Variants in EFCAB12 observed in about 807,000 individuals in gnomAD.
EFCAB12 encodes the protein EF-hand calcium-binding domain-containing protein 12.
EFCAB12 carries 43 observed loss-of-function variants against 53.6 expected under a neutral mutation model. That is an observed-to-expected ratio of 0.80 (90% CI 0.63 to 1.03). The LOEUF is 1.03. Ranked by LOEUF, EFCAB12 falls within the 50% of genes least tolerant of loss-of-function variation. The pLI is 0.00. For synonymous variants in EFCAB12, 269 were observed against 289.2 expected (o/e 0.93, Z 0.71); for missense variants, 646 against 730.6 (o/e 0.88, Z 1.34).
At chr3:129,402,330 G>A (rs1021164844) in intron 8 of EFCAB12, among the ~76,000 whole-genome samples, 193 bp downstream of exon 8, 1 of 152,160 alleles carries the variant, frequency 6.6e-6, no homozygotes, top group Admixed American at 6.5e-5. Context: ...CTGTTGGGAG[G>A]ATCTGAGTGA....
At chr3:129,416,831 T>G (rs2107740008) in intron 3 of EFCAB12, among the ~76,000 whole-genome samples, 1 of 152,292 alleles carries the variant, frequency 6.6e-6, no homozygotes, top group South Asian at 2.1e-4. Context: ...TTTAATTTTT[T>G]GTAGAGATGG....
intron 1 of EFCAB12, among the ~76,000 whole-genome samples, chr3:129,426,773 C>T (rs2072277982): frequency 6.6e-6 from 1 of 151,366 alleles, no homozygotes; most frequent in African/African-American, 2.4e-5. Flanking sequence ...AACTCCTGGG[C>T]TCAAATGATC....
At chr3:129,411,575 A>G (rs548756190) in intron 4 of EFCAB12, 72 of 428,258 alleles carry the variant, frequency 1.7e-4, no homozygotes, top group African/African-American at 1.4e-3. Flanking sequence ...CACCAACCCC[A>G]GCCCTCTGGT....
At chr3:129,402,481 T>C in intron 8 of EFCAB12, 42 bp downstream of exon 8, 1 of 1,594,812 alleles carries the variant, frequency 6.3e-7, no homozygotes, top group Non-Finnish European at 8.6e-7. Flanking sequence ...CTGCCCCTCC[T>C]CCCACCTTCC....
intron 1 of EFCAB12, among the ~76,000 whole-genome samples, chr3:129,424,995 G>A (rs192088909): frequency 1.3e-5 from 2 of 152,276 alleles, no homozygotes; most frequent in East Asian, 3.9e-4. Context: ...GAGGGGCAGG[G>A]ATGGGGAAAG....
chr3:129,408,853 C>T lies in EFCAB12; in HGVS notation c.1041G>A (p.Thr347=), dbSNP rs984016385. ...GCTCCGTGTACTGGATGGAGGGGAT[C>T]GTGAGCTGCGAAGGAAGCAGAAAGG... is the stretch of plus-strand genomic sequence containing the variant. The part of the protein sequence containing the change: ...YRERQRQHKL[T]IPSIQYTEQC... The change falls in exon 6 of 9, where the codon ACG becomes ACA. Residue 347 remains threonine, a synonymous_variant. Transcript: ENST00000505956. 1.3e-5 allele frequency: 20 copies of T among 1,566,444 alleles called. No individual in the cohort carries two copies. Among genetic ancestry groups the T allele is most frequent in the East Asian group, 2.4e-5 (1 of 42,020 alleles).
intron 2 of EFCAB12, among the ~76,000 whole-genome samples, chr3:129,419,320 A>G (rs2072159643): frequency 6.6e-6 from 1 of 152,216 alleles, no homozygotes; most frequent in South Asian, 2.1e-4. Context: ...GACCACTACC[A>G]CAGGCATCAC....
chr3:129,411,195 A>G lies in EFCAB12; in HGVS notation c.998T>C (p.Val333Ala), dbSNP rs1411710527. 1.2e-6 allele frequency: 2 copies of G among 1,611,712 alleles called. No homozygotes were observed. The highest frequency in any genetic ancestry group is 2.2e-5 in the South Asian group (2 of 90,808). Residue 333 changes from valine (V) to alanine (A), a missense_variant, in exon 5 of 9, where the codon GTG (valine) becomes GCG (alanine). Coordinates refer to ENST00000505956, the MANE Select transcript of EFCAB12 (RefSeq NM_207307.3). ...RPMTLEEMEE[V>A]GKRYRERQRQ... The stretch of plus-strand genomic sequence containing the variant: ...CTGCCGCTCGCGGTACCGCTTGCCC[A>G]CTTCCTCCATCTCCTCCAGGGTCAT...
chr3:129,410,521 T>C (rs2072022836), intron 5 of EFCAB12, among the ~76,000 whole-genome samples: 1 of 152,176 alleles, frequency 6.6e-6, no homozygotes, highest in East Asian at 1.9e-4. Flanking sequence ...TCTCCCTATG[T>C]TGCCTAGGAT....
intron 4 of EFCAB12, 36 bp downstream of exon 4, chr3:129,415,209 G>A: frequency 1.3e-6 from 2 of 1,552,750 alleles, no homozygotes; most frequent in South Asian, 1.2e-5. Context: ...TCCCAGGACG[G>A]GGAGGTGGAG....
chr3:129,402,768 G>A (rs1394560744), intron 7 of EFCAB12, 189 bp from the exon 8 acceptor site: 2 of 586,310 alleles, frequency 3.4e-6, no homozygotes, highest in African/African-American at 1.9e-5. Flanking sequence ...AACACAGTGG[G>A]CTTGGGTCAG....
chr3:129,420,601 T>A lies in EFCAB12; in HGVS notation c.486+766A>T, dbSNP rs569234775. On this transcript the variant is annotated intron_variant, in intron 2 of 8. Coordinates refer to ENST00000505956, the MANE Select transcript of EFCAB12 (RefSeq NM_207307.3). ...CACAATAGCTTGCTACATGGAACCC[T>A]CAGCAAACTTGTGTCAATGAACAAA... 2.6e-5 allele frequency among the ~76,000 whole-genome samples: 4 copies of A among 152,324 alleles called. No individual in the cohort carries two copies. In the East Asian group the frequency reaches 7.7e-4, roughly 29 times the overall value.
intron 6 of EFCAB12, among the ~76,000 whole-genome samples, chr3:129,406,341 A>G (rs2071950524): frequency 6.6e-6 from 1 of 152,192 alleles, no homozygotes; most frequent in Admixed American, 6.5e-5. Flanking sequence ...GGAGACAATG[A>G]CCACTGAAGT....
chr3:129,428,559 G>C lies in EFCAB12; in HGVS notation c.-71C>G. ...TGTCGATGTGGGCTTGCTTGCGTAG[G>C]GGTACCGGGGTATCAGATAAACCGT... is the stretch of plus-strand genomic sequence containing the variant. On this transcript the variant is annotated 5_prime_UTR_variant, in exon 1 of 9. Transcript: ENST00000505956. 6.5e-7 allele frequency: 1 copy of C among 1,544,086 alleles called. No individual in the cohort carries two copies. Among genetic ancestry groups the C allele is most frequent in the Non-Finnish European group, 8.8e-7 (1 of 1,136,336 alleles).
chr3:129,417,338 A>C (rs2072129298), intron 3 of EFCAB12, among the ~76,000 whole-genome samples: 1 of 141,044 alleles, frequency 7.1e-6, no homozygotes, highest in Non-Finnish European at 1.5e-5. Context: ...AAAAAAAAAA[A>C]ACCAAAAAAA....
chr3:129,421,886 G>C, intron 1 of EFCAB12, 83 bp from the exon 2 acceptor site: 1 of 1,396,162 alleles, frequency 7.2e-7, no homozygotes. Context: ...TTTTGCTCCA[G>C]GCTGGGCAAC....
intron 4 of EFCAB12, 118 bp from the exon 5 acceptor site, chr3:129,411,472 T>C (rs2072039574): frequency 9.3e-7 from 1 of 1,071,028 alleles, no homozygotes; most frequent in Non-Finnish European, 1.3e-6. Flanking sequence ...TCCGCTCCCT[T>C]CCCACACGTC....
intron 8 of EFCAB12, 150 bp from the exon 9 acceptor site, chr3:129,402,001 G>T: frequency 8.4e-7 from 1 of 1,196,998 alleles, no homozygotes; most frequent in Non-Finnish European, 1.1e-6. Flanking sequence ...GTTCCATATG[G>T]TCAGCTCTGT....
At chr3:129,407,117 A>C (rs2071963324) in intron 6 of EFCAB12, among the ~76,000 whole-genome samples, 1 of 152,204 alleles carries the variant, frequency 6.6e-6, no homozygotes, top group Admixed American at 6.5e-5. Flanking sequence ...CTTATAAGAG[A>C]AAATGTGGAC....
Sources: allele counts gnomAD v4.1 joint callset (sites outside exome capture counted in the v4.1 genomes callset), GRCh38; gene constraint gnomAD v4.1.1; transcripts MANE v1.5; gene names NCBI Gene and HGNC (gene_info 2026-07-23, HGNC 2026-07-21).